Variants in NRF1 observed in about 807,000 individuals in gnomAD.
The protein encoded by NRF1 is alpha palindromic-binding protein.
NRF1 carries 5 observed loss-of-function variants against 58.5 expected under a neutral mutation model. That is an observed-to-expected ratio of 0.09 (90% CI 0.04 to 0.18). The LOEUF (loss-of-function observed/expected upper bound fraction) is 0.18, where lower values mean the gene tolerates loss of function less well. NRF1 is among the 10% of genes least tolerant of loss of function. NRF1 has a pLI of 1.00. For missense variants in NRF1, 288 were observed against 657.7 expected, an observed-to-expected ratio of 0.44 and a Z score of 6.15; for synonymous variants, 224 against 246.7, an observed-to-expected ratio of 0.91 and a Z score of 0.86.
chr7:129,744,149 T>TTA, intron 10 of NRF1: 1 of 1,502,344 alleles, frequency 6.7e-7, no homozygotes, highest in Non-Finnish European at 8.9e-7. Flanking sequence ...TTTTTTTTTT[T>TTA]TAACAGTTCT....
chr7:129,731,661 C>T (rs929523566), intron 10 of NRF1, among the ~76,000 whole-genome samples: 1 of 150,694 alleles, frequency 6.6e-6, no homozygotes, highest in Non-Finnish European at 1.5e-5. Context: ...CAGGGTCTCA[C>T]TCTGTCACCT....
At chr7:129,666,188 G>GT (rs1470293527) in intron 2 of NRF1, among the ~76,000 whole-genome samples, 2 of 152,126 alleles carry the variant, frequency 1.3e-5, no homozygotes, top group African/African-American at 4.8e-5. Context: ...TGCATCAAAT[G>GT]TTTTTTAAGA....
In NRF1 at chr7:129,756,189, A is replaced by G. The variant is rs1391040515; in HGVS notation, c.*1008A>G. 2 of 152,284 alleles carry G rather than the reference A, an allele frequency of 1.3e-5. No individual in the cohort carries two copies. The highest frequency in any genetic ancestry group is 2.4e-5 in the African/African-American group (1 of 41,412). 9.4% of individuals were successfully genotyped at this position (152,284 alleles called of 1,614,324 possible). On this transcript the variant is annotated 3_prime_UTR_variant, in exon 11 of 11. Coordinates refer to ENST00000393232, the MANE Select transcript of NRF1 (RefSeq NM_005011.5). ...AAGAAAAATCGTCCTAGACCAGGAT[A>G]CACCCGTGGGAGCAATTTTCTCTAC... is the stretch of plus-strand genomic sequence containing the variant.
At chr7:129,621,122 T>C (rs1179487746) in intron 1 of NRF1, among the ~76,000 whole-genome samples, 1 of 152,186 alleles carries the variant, frequency 6.6e-6, no homozygotes, top group Admixed American at 6.5e-5. Flanking sequence ...TTTTAGATAA[T>C]TGGTAATTTT....
At chr7:129,693,319 A>G (rs551330834) in intron 5 of NRF1, among the ~76,000 whole-genome samples, 93 of 152,300 alleles carry the variant, frequency 6.1e-4, no homozygotes, top group African/African-American at 2.1e-3. Flanking sequence ...GTAATACTAT[A>G]TTTTATAAAT....
chr7:129,621,211 C>T (rs1037330293), intron 1 of NRF1, among the ~76,000 whole-genome samples: 3 of 152,184 alleles, frequency 2.0e-5, no homozygotes, highest in Admixed American at 2.0e-4. Flanking sequence ...GTTTCTGGGG[C>T]AGTGATATCC....
At chr7:129,734,793 G>A (rs1562987984) in intron 10 of NRF1, among the ~76,000 whole-genome samples, 1 of 152,192 alleles carries the variant, frequency 6.6e-6, no homozygotes. Context: ...TTAGAGCCAG[G>A]GAAACTAAGG....
At chr7:129,644,849 A>G (rs1038165241) in intron 1 of NRF1, among the ~76,000 whole-genome samples, 5 of 152,160 alleles carry the variant, frequency 3.3e-5, no homozygotes, top group Admixed American at 2.6e-4. Flanking sequence ...TACATAGTCT[A>G]TTTATAATTT....
chr7:129,637,715 G>A (rs2151065563), intron 1 of NRF1, among the ~76,000 whole-genome samples: 1 of 152,054 alleles, frequency 6.6e-6, no homozygotes, highest in South Asian at 2.1e-4. Context: ...ATTTTTTTGT[G>A]TGTCAATACA....
intron 1 of NRF1, among the ~76,000 whole-genome samples, chr7:129,618,120 T>G (rs1326874918): frequency 6.6e-6 from 1 of 152,148 alleles, no homozygotes; most frequent in Non-Finnish European, 1.5e-5. Context: ...AGGACATCGA[T>G]TCTGGGGATA....
At chr7:129,738,655 AC>A (rs1562989449) in intron 10 of NRF1, among the ~76,000 whole-genome samples, 1 of 152,026 alleles carries the variant, frequency 6.6e-6, no homozygotes, top group South Asian at 2.1e-4. Flanking sequence ...TTGTTTTTTT[AC>A]TACTGCTACA....
intron 10 of NRF1, among the ~76,000 whole-genome samples, chr7:129,745,753 C>G (rs1803961971): frequency 6.6e-6 from 1 of 152,196 alleles, no homozygotes; most frequent in South Asian, 2.1e-4. Flanking sequence ...TACTGAAACA[C>G]AGAGCGTTTC....
chr7:129,707,507 G>A (rs1802979028), intron 5 of NRF1, among the ~76,000 whole-genome samples: 1 of 152,126 alleles, frequency 6.6e-6, no homozygotes, highest in African/African-American at 2.4e-5. Flanking sequence ...TGTGTGTGAA[G>A]ATTAAGCCCT....
At position 129,741,846 on chromosome 7, in the gene NRF1, A is replaced by G. The variant is rs1803853047; in HGVS notation, c.1349-13172A>G. Reference sequence around the variant, plus strand: ...TCACTTGCCAGCACCCAGCTCTGACATTTGCTTAATAAAGAGCAAATGTGC... The same window carrying G: ...TCACTTGCCAGCACCCAGCTCTGACGTTTGCTTAATAAAGAGCAAATGTGC... On this transcript the variant is annotated intron_variant, in intron 10 of 10. Transcript: ENST00000393232. The surrounding 1 kb of genome is among the most constrained non-coding windows in gnomAD (Gnocchi z 4.0). 6.6e-6 allele frequency among the ~76,000 whole-genome samples: 1 copy of G among 152,224 alleles called. No individual in the cohort carries two copies. Among genetic ancestry groups the G allele is most frequent in the East Asian group, 1.9e-4 (1 of 5,202 alleles).
intron 2 of NRF1, among the ~76,000 whole-genome samples, chr7:129,669,983 G>A (rs191125948): frequency 6.6e-6 from 1 of 152,192 alleles, no homozygotes; most frequent in African/African-American, 2.4e-5. Flanking sequence ...AATGTGATCT[G>A]TATGTACAAT....
chr7:129,612,383 C>G (rs1800555548), intron 1 of NRF1, among the ~76,000 whole-genome samples: 1 of 152,108 alleles, frequency 6.6e-6, no homozygotes, highest in African/African-American at 2.4e-5. Context: ...GCTCTTTGGG[C>G]GACCTCCGAA....
chr7:129,656,477 G>GT, intron 1 of NRF1, among the ~76,000 whole-genome samples: 1 of 152,046 alleles, frequency 6.6e-6, no homozygotes, highest in Admixed American at 6.5e-5. Context: ...GATTATAAGT[G>GT]TAATAGAAGA....
At chr7:129,683,779 C>T (rs551635889) in intron 4 of NRF1, among the ~76,000 whole-genome samples, 30 of 150,972 alleles carry the variant, frequency 2.0e-4, no homozygotes, top group Non-Finnish European at 4.0e-4. Flanking sequence ...ATTACAGGCT[C>T]CTGCCACCAT....
chr7:129,743,307 C>A (rs1486699599), intron 10 of NRF1, among the ~76,000 whole-genome samples: 1 of 152,212 alleles, frequency 6.6e-6, no homozygotes, highest in Non-Finnish European at 1.5e-5. Flanking sequence ...ACCAGACAGT[C>A]CTTTTCTCAT....
Sources: gnomAD v4.1 joint callset for allele counts (sites outside exome capture counted in the v4.1 genomes callset) on GRCh38, gnomAD v4.1.1 for gene constraint, Gnocchi (gnomAD v3.1) non-coding constraint, MANE v1.5 for transcripts, NCBI Gene and HGNC (gene_info 2026-07-23, HGNC 2026-07-21) for gene names.